Variants in PCDHGA9 observed in about 807,000 individuals in gnomAD.
PCDHGA9 encodes protocadherin gamma-A9.
Under a neutral mutation model 62.5 loss-of-function variants are expected in PCDHGA9, and 37 were observed. That is an observed-to-expected ratio of 0.59 (90% CI 0.46 to 0.78). The LOEUF (loss-of-function observed/expected upper bound fraction) is 0.78. Among genes scored for constraint, PCDHGA9 ranks in the 30% least tolerant of loss-of-function variants. The pLI is 0.00. For missense variants in PCDHGA9, 1,138 were observed against 1,166.2 expected, an observed-to-expected ratio of 0.98 and a Z score of 0.35; for synonymous variants, 459 against 484.6, an observed-to-expected ratio of 0.95 and a Z score of 0.69.
At chr5:141,498,419 G>A (rs78940285) in intron 2 of PCDHGA9, among the ~76,000 whole-genome samples, 4,023 of 152,260 alleles carry the variant, frequency 0.026, 75 homozygotes, top group Non-Finnish European at 0.043. Flanking sequence ...TGCTGGCACT[G>A]GAGTGAGGGG....
intron 1 of PCDHGA9, among the ~76,000 whole-genome samples, chr5:141,438,581 TACATAC>T (rs2097977343): frequency 4.0e-5 from 2 of 49,846 alleles, no homozygotes; most frequent in Non-Finnish European, 6.5e-5. Flanking sequence ...TATACATACA[TACATAC>T]ATACATATAT....
At chr5:141,464,407 A>C (rs996561936) in intron 1 of PCDHGA9, among the ~76,000 whole-genome samples, 1 of 151,544 alleles carries the variant, frequency 6.6e-6, no homozygotes, top group Non-Finnish European at 1.5e-5. Flanking sequence ...CCTGAGATAT[A>C]TATATATCTA....
At chr5:141,484,300 C>G (rs927710366) in intron 1 of PCDHGA9, among the ~76,000 whole-genome samples, 1 of 152,190 alleles carries the variant, frequency 6.6e-6, no homozygotes, top group Non-Finnish European at 1.5e-5. Context: ...CTCCTGGCTT[C>G]CTCCACCCCG....
Position 141,432,153 on chromosome 5 carries a change from A to T in PCDHGA9, c.2424+26777A>T. 6.2e-7 allele frequency: 1 copy of T among 1,613,758 alleles called. No homozygotes were observed. The highest frequency in any genetic ancestry group is 8.5e-7 in the Non-Finnish European group (1 of 1,179,910). On this transcript the variant is annotated intron_variant, in intron 1 of 3. Transcript: ENST00000573521. This position sits in a 1 kb window ranked among gnomAD's most constrained non-coding sequence, Gnocchi z 6.0. ...TATTCCGCTTATATCCCAGAGAACA[A>T]TCCCAGAGGAGTTTCCCTCGTCTCT...
intron 1 of PCDHGA9, among the ~76,000 whole-genome samples, chr5:141,438,835 A>T (rs1591550617): frequency 6.7e-6 from 1 of 149,784 alleles, no homozygotes; most frequent in African/African-American, 2.5e-5. Flanking sequence ...CTAATTTTTT[A>T]AAATATTTTT....
chr5:141,421,362 C>T (rs2096566609), intron 1 of PCDHGA9: 1 of 1,613,998 alleles, frequency 6.2e-7, no homozygotes, highest in African/African-American at 1.3e-5. Context: ...AGGGCTCCTT[C>T]GTGGGCAATA....
At chr5:141,478,924 T>C (rs1213046748) in intron 1 of PCDHGA9, 10 of 704,004 alleles carry the variant, frequency 1.4e-5, no homozygotes. Context: ...CTCTAACCAG[T>C]GGCAGCTTCT....
Position 141,431,592 on chromosome 5 carries a change from G to A in PCDHGA9, c.2424+26216G>A, listed in dbSNP as rs1429358254. 2.5e-6 allele frequency: 4 copies of A among 1,614,100 alleles called. No individual in the cohort carries two copies. The Admixed American group carries it at 6.7e-5, about 27-fold the overall frequency. The stretch of plus-strand genomic sequence containing the variant: ...GACGAAGGAGTCAATGCGGAAGTGA[G>A]GTATTCCTTCCGGTATGTGGACGAC... On this transcript the variant is annotated intron_variant, in intron 1 of 3. Transcript: ENST00000573521. The surrounding 1 kb of genome is among the most constrained non-coding windows in gnomAD (Gnocchi z 4.8).
rs774271747 is a variant in PCDHGA9 at position 141,485,866 on chromosome 5, C to A, written c.2425-8941C>A. On this transcript the variant is annotated intron_variant, in intron 1 of 3. Coordinates refer to ENST00000573521, the MANE Select transcript of PCDHGA9 (RefSeq NM_018921.3). The surrounding 1 kb of genome is among the most constrained non-coding windows in gnomAD (Gnocchi z 5.7). Reference sequence around the variant, plus strand: ...CTGGCACCGCAGAGCTCCGGGTATCCGTGCTGGACGTAAACGACAACGCCC... The same window carrying A: ...CTGGCACCGCAGAGCTCCGGGTATCAGTGCTGGACGTAAACGACAACGCCC... 2 of 1,614,144 alleles carry A rather than the reference C, an allele frequency of 1.2e-6. No homozygotes were observed. Among genetic ancestry groups the A allele is most frequent in the South Asian group, 1.1e-5 (1 of 91,074 alleles).
intron 1 of PCDHGA9, among the ~76,000 whole-genome samples, chr5:141,457,444 G>T (rs1253183319): frequency 6.6e-6 from 1 of 152,134 alleles, no homozygotes; most frequent in African/African-American, 2.4e-5. Context: ...AGCTGCAGAA[G>T]ATCACCACTT....
chr5:141,500,680 T>C (rs999167635), intron 2 of PCDHGA9, among the ~76,000 whole-genome samples: 7 of 152,224 alleles, frequency 4.6e-5, no homozygotes, highest in Non-Finnish European at 7.3e-5. Context: ...AACAGAATTA[T>C]AGCTTTTTTC....
chr5:141,439,588 T>C (rs2098121813), intron 1 of PCDHGA9, among the ~76,000 whole-genome samples: 2 of 152,200 alleles, frequency 1.3e-5, no homozygotes, highest in South Asian at 4.1e-4. Flanking sequence ...AGTGCCACTG[T>C]TGGCCAGTCT....
At position 141,440,639 on chromosome 5, in the gene PCDHGA9, T is replaced by C. The variant is rs2098191350; in HGVS notation, c.2424+35263T>C. On this transcript the variant is annotated intron_variant, in intron 1 of 3. Coordinates refer to ENST00000573521, the MANE Select transcript of PCDHGA9 (RefSeq NM_018921.3). ...GATCCTGATGTTGAGAGAAATTCCT[T>C]ACAAAATTATCACCTTAGCAGCAAC... 2 of 152,192 alleles carry C rather than the reference T, an allele frequency of 1.3e-5. 1 individual carries two copies. The highest frequency in any genetic ancestry group is 4.8e-5 in the African/African-American group (2 of 41,440). The allele number at this position is 152,192 out of a possible 1,614,324, so 9.4% of individuals were successfully genotyped here.
At chr5:141,410,196 C>T (rs773310778) in intron 1 of PCDHGA9, 3 of 1,613,984 alleles carry the variant, frequency 1.9e-6, no homozygotes, top group East Asian at 4.5e-5. Context: ...CTGGTCTTCG[C>T]AGACAACTTG....
rs532087470 is a variant in PCDHGA9, at chr5:141,414,020, C to T, written c.2424+8644C>T. 9 of 1,612,620 alleles carry T rather than the reference C, an allele frequency of 5.6e-6. No homozygotes were observed. The East Asian group carries it at 1.8e-4, about 32-fold the overall frequency. The stretch of plus-strand genomic sequence containing the variant: ...GACGAAGGTGCCAATGGAGAAGTGA[C>T]ATATTCATTCCGAAAATTACCTGAC... On this transcript the variant is annotated intron_variant, in intron 1 of 3. Transcript: ENST00000573521.
chr5:141,473,079 A>G (rs1389177835), intron 1 of PCDHGA9, among the ~76,000 whole-genome samples: 2 of 152,086 alleles, frequency 1.3e-5, no homozygotes, highest in African/African-American at 4.8e-5. Flanking sequence ...ATCTTTGTTT[A>G]TTATCCACTG....
chr5:141,419,967 TTCTC>T (rs1324855239), intron 1 of PCDHGA9: 2 of 1,614,086 alleles, frequency 1.2e-6, no homozygotes, highest in Admixed American at 3.3e-5. Context: ...TCTGTGCTCT[TTCTC>T]CTCGCGGTGA....
At position 141,477,386 on chromosome 5, in the gene PCDHGA9, A is replaced by C; in HGVS notation, c.2425-17421A>C. 1 of 1,614,116 alleles carries C rather than the reference A, an allele frequency of 6.2e-7. No homozygotes were observed. Among genetic ancestry groups the C allele is most frequent in the South Asian group, 1.1e-5 (1 of 91,080 alleles). On this transcript the variant is annotated intron_variant, in intron 1 of 3. Coordinates refer to ENST00000573521, the MANE Select transcript of PCDHGA9 (RefSeq NM_018921.3). The surrounding 1 kb of genome is among the most constrained non-coding windows in gnomAD (Gnocchi z 4.9). ...GGATCGGGAGACTGTGCCAGAATAC[A>C]ACCTCAGCATCACCGCCCGAGACGC...
At chr5:141,492,312 C>G (rs1470136040) in intron 1 of PCDHGA9, among the ~76,000 whole-genome samples, 3 of 152,230 alleles carry the variant, frequency 2.0e-5, no homozygotes, top group Non-Finnish European at 4.4e-5. Context: ...CGCACGCACT[C>G]CTCGCACGTG....
Sources: allele counts gnomAD v4.1 joint callset (sites outside exome capture counted in the v4.1 genomes callset), GRCh38; gene constraint gnomAD v4.1.1; non-coding constraint Gnocchi (gnomAD v3.1); transcripts MANE v1.5; gene names NCBI Gene and HGNC (gene_info 2026-07-23, HGNC 2026-07-21).